CACNA1E: variants seen among roughly 807,000 people sequenced by gnomAD.
CACNA1E encodes the protein voltage-dependent R-type calcium channel subunit alpha-1E.
In CACNA1E, 40 loss-of-function variants were observed where a neutral mutation model predicts 259.2. The observed-to-expected ratio is 0.15, with a 90% confidence interval of 0.12 to 0.20. The LOEUF (loss-of-function observed/expected upper bound fraction) is 0.20, where lower values mean the gene tolerates loss of function less well. Among genes scored for constraint, CACNA1E ranks in the 10% least tolerant of loss-of-function variants. The probability of loss-of-function intolerance (pLI) is 1.00; values close to 1 mark genes in which losing one functional copy is unlikely to be tolerated. For missense variants in CACNA1E, 1,874 were observed against 3,040.1 expected (o/e 0.62, Z 9.02); for synonymous variants, 1,104 against 1,138.5 (o/e 0.97, Z 0.61).
chr1:181,772,824 G>C (rs1659636861), intron 37 of CACNA1E, among the ~76,000 whole-genome samples: 1 of 152,162 alleles, frequency 6.6e-6, no homozygotes, highest in Non-Finnish European at 1.5e-5. Flanking sequence ...ATTGCTTTGG[G>C]TGTTAGTAAA....
At chr1:181,690,857 A>T (rs191694557) in intron 7 of CACNA1E, among the ~76,000 whole-genome samples, 38 of 151,764 alleles carry the variant, frequency 2.5e-4, no homozygotes, top group African/African-American at 8.9e-4. Flanking sequence ...TTTTTTAATC[A>T]AGTATTTTGG....
At chr1:181,356,768 C>T (rs1331402223) in intron 1 of CACNA1E, among the ~76,000 whole-genome samples, 1 of 152,158 alleles carries the variant, frequency 6.6e-6, no homozygotes, top group Non-Finnish European at 1.5e-5. Flanking sequence ...CCTGTTGTAT[C>T]CTGGGAGTTT....
intron 25 of CACNA1E, among the ~76,000 whole-genome samples, chr1:181,747,065 C>A (rs1657153591): frequency 6.6e-6 from 1 of 152,220 alleles, no homozygotes; most frequent in Admixed American, 6.5e-5. Context: ...ATAGTCCAGA[C>A]ACATTAGTGA....
intron 1 of CACNA1E, among the ~76,000 whole-genome samples, chr1:181,386,893 G>C: frequency 6.6e-6 from 1 of 152,194 alleles, no homozygotes; most frequent in Non-Finnish European, 1.5e-5. Flanking sequence ...CAATGAGTCT[G>C]CACACGCTTT....
At chr1:181,787,205 C>T (rs1021835709) in intron 43 of CACNA1E, among the ~76,000 whole-genome samples, 1 of 152,062 alleles carries the variant, frequency 6.6e-6, no homozygotes, top group Non-Finnish European at 1.5e-5. Flanking sequence ...CTGCAAACTC[C>T]GCCTCCCGGG....
intron 6 of CACNA1E, among the ~76,000 whole-genome samples, chr1:181,597,649 T>C (rs998251185): frequency 1.1e-4 from 17 of 152,206 alleles, no homozygotes; most frequent in Non-Finnish European, 2.5e-4. Context: ...TAGTCCGTTT[T>C]CATGCTGCTA....
intron 7 of CACNA1E, among the ~76,000 whole-genome samples, chr1:181,673,911 G>A (rs143707991): frequency 6.9e-4 from 105 of 152,162 alleles, no homozygotes; most frequent in Admixed American, 4.2e-3. Context: ...GCACAGCCTT[G>A]CTGCCCTTCA....
intron 6 of CACNA1E, among the ~76,000 whole-genome samples, chr1:181,647,596 T>A (rs1468418272): frequency 6.6e-6 from 1 of 152,300 alleles, no homozygotes; most frequent in African/African-American, 2.4e-5. Flanking sequence ...ACTTGCTGCC[T>A]TGAGTTGTCG....
chr1:181,590,787 C>T (rs1354971264), intron 6 of CACNA1E, among the ~76,000 whole-genome samples: 3 of 147,530 alleles, frequency 2.0e-5, no homozygotes. Flanking sequence ...TCTCCCCACT[C>T]ACCATCCCCA....
intron 7 of CACNA1E, among the ~76,000 whole-genome samples, chr1:181,653,916 T>A (rs1658973408): frequency 6.6e-6 from 1 of 152,216 alleles, no homozygotes. Flanking sequence ...CAAGCTTGCA[T>A]ACAGAGTTGC....
intron 2 of CACNA1E, among the ~76,000 whole-genome samples, chr1:181,446,523 A>G (rs1330408519): frequency 6.6e-6 from 1 of 152,206 alleles, no homozygotes; most frequent in African/African-American, 2.4e-5. Flanking sequence ...TGGCTAATGT[A>G]CTATATGAAG....
intron 1 of CACNA1E, among the ~76,000 whole-genome samples, chr1:181,410,881 G>A (rs958666950): frequency 1.2e-4 from 19 of 152,138 alleles, no homozygotes; most frequent in African/African-American, 3.6e-4. Context: ...TTGACTTGCC[G>A]TCCAACCCAG....
chr1:181,590,103 G>A (rs897176895), intron 6 of CACNA1E, among the ~76,000 whole-genome samples: 3 of 152,070 alleles, frequency 2.0e-5, no homozygotes, highest in Non-Finnish European at 4.4e-5. Context: ...GTTGCAGTTA[G>A]ATGTCAGCTG....
At chr1:181,592,197 T>C (rs1187223317) in intron 6 of CACNA1E, among the ~76,000 whole-genome samples, 1 of 152,224 alleles carries the variant, frequency 6.6e-6, no homozygotes, top group East Asian at 1.9e-4. Context: ...TCCTGTATCA[T>C]TCATCGTCTT....
At chr1:181,572,759 G>A (rs1650542489) in intron 3 of CACNA1E, among the ~76,000 whole-genome samples, 1 of 152,168 alleles carries the variant, frequency 6.6e-6, no homozygotes, top group African/African-American at 2.4e-5. Flanking sequence ...CTCTCCATGT[G>A]TGTATATAGA....
At chr1:181,477,250 T>A (rs1023227016) in intron 2 of CACNA1E, among the ~76,000 whole-genome samples, 6 of 151,858 alleles carry the variant, frequency 4.0e-5, no homozygotes, top group Non-Finnish European at 8.8e-5. Flanking sequence ...TTTGTATTCT[T>A]CCCTTTTCCA....
At chr1:181,662,501 TGATGTTA>T (rs1341021626) in intron 7 of CACNA1E, among the ~76,000 whole-genome samples, 1 of 152,170 alleles carries the variant, frequency 6.6e-6, no homozygotes, top group African/African-American at 2.4e-5. Flanking sequence ...GCTATGACAA[TGATGTTA>T]GGTAAATTAT....
chr1:181,437,207 A>G (rs1418292884), intron 2 of CACNA1E, among the ~76,000 whole-genome samples: 2 of 152,152 alleles, frequency 1.3e-5, no homozygotes, highest in African/African-American at 4.8e-5. Flanking sequence ...TGCATGGCCA[A>G]TATGTGTAGA....
intron 1 of CACNA1E, among the ~76,000 whole-genome samples, chr1:181,395,626 A>G (rs1314207164): frequency 6.6e-6 from 1 of 152,230 alleles, no homozygotes; most frequent in African/African-American, 2.4e-5. Flanking sequence ...ACTTTCAACA[A>G]GCAGGTACCA....
Sources: allele counts gnomAD v4.1 joint callset (sites outside exome capture counted in the v4.1 genomes callset), GRCh38; gene constraint gnomAD v4.1.1; transcripts MANE v1.5; gene names NCBI Gene and HGNC (gene_info 2026-07-23, HGNC 2026-07-21).